MGA: variants seen among roughly 807,000 people sequenced by gnomAD.
MGA encodes the protein MAX dimerization protein MGA.
In MGA, 40 loss-of-function variants were observed where a neutral mutation model predicts 261.1. That is an observed-to-expected ratio of 0.15 (90% CI 0.12 to 0.20). The LOEUF is 0.20. Ranked by LOEUF, MGA falls within the 10% of genes least tolerant of loss-of-function variation. The pLI is 1.00. For synonymous variants in MGA, 1,302 were observed against 1,290.6 expected (o/e 1.01, Z -0.19); for missense variants, 3,397 against 3,630.5 (o/e 0.94, Z 1.65).
intron 1 of MGA, among the ~76,000 whole-genome samples, chr15:41,642,643 C>T (rs892377541): frequency 2.0e-5 from 3 of 152,156 alleles, no homozygotes; most frequent in Non-Finnish European, 4.4e-5. Context: ...GCCACCTCAC[C>T]CAGCTAATTT....
At position 41,653,578 on chromosome 15, in the gene MGA, G is replaced by A. The variant is rs542820942; in HGVS notation, c.-67-15250G>A. On this transcript the variant is annotated intron_variant, in intron 1 of 8. Coordinates refer to the MGA transcript ENST00000566718. ...ATATATATTAGCCAGTTGTGGTGGC[G>A]TGGCCTATAATCCCAGCTACTCAGG... Among the ~76,000 whole-genome samples the A allele has an allele frequency of 1.5e-4, 22 of 151,302 alleles. No homozygotes were observed. The South Asian group carries it at 4.2e-3, about 29-fold the overall frequency.
intron 2 of MGA, among the ~76,000 whole-genome samples, chr15:41,694,790 G>A (rs2059469147): frequency 6.6e-6 from 1 of 152,114 alleles, no homozygotes; most frequent in African/African-American, 2.4e-5. Context: ...GGGATTACAG[G>A]CGTGAGCCAC....
In MGA at chr15:41,711,408, G is replaced by A. The variant is rs1315868382; in HGVS notation, c.3084+59G>A. The stretch of plus-strand genomic sequence containing the variant: ...TGCTTGGCTAGAAAGAGCGAGGTTA[G>A]TGAGGGGAAATGGGAATGGTACTTT... On this transcript the variant is annotated intron_variant, in intron 8 of 23. Transcript: ENST00000219905. 6.7e-6 allele frequency: 10 copies of A among 1,485,810 alleles called. No homozygotes were observed. The Admixed American group carries it at 2.0e-4, about 30-fold the overall frequency. The allele number at this position is 1,485,810 out of a possible 1,614,324, so 92.0% of individuals were successfully genotyped here.
At chr15:41,629,569 GA>G (rs528371895) in intron 1 of MGA, among the ~76,000 whole-genome samples, 387 of 145,348 alleles carry the variant, frequency 2.7e-3, no homozygotes, top group African/African-American at 5.7e-3. Flanking sequence ...TCTCTATAAA[GA>G]AAAAAAAAAA....
In MGA at chr15:41,764,930, G is replaced by A. The variant is rs1032514141; in HGVS notation, c.7789G>A (p.Val2597Met). The change falls in exon 23 of 24, where the codon GTG becomes ATG. Residue 2597 changes from valine (V) to methionine (M), a missense_variant. Coordinates refer to ENST00000219905, the MANE Select transcript of MGA (RefSeq NM_001164273.2). ...CACTCCACACACCTCTGCCAACCTTGTGATGACTCCGCAAGGGCAATTGCT... is the reference window on the plus strand; with the variant it reads ...CACTCCACACACCTCTGCCAACCTTATGATGACTCCGCAAGGGCAATTGCT... 2 of 1,613,874 alleles carry A rather than the reference G, an allele frequency of 1.2e-6. No individual in the cohort carries two copies. The highest frequency in any genetic ancestry group is 2.2e-5 in the East Asian group (1 of 44,894).
intron 7 of MGA, among the ~76,000 whole-genome samples, chr15:41,709,201 GC>G (rs1007772538): frequency 6.6e-6 from 1 of 151,910 alleles, no homozygotes; most frequent in African/African-American, 2.4e-5. Context: ...TGCAAAAACA[GC>G]CAGATGTGGT....
intron 5 of MGA, among the ~76,000 whole-genome samples, chr15:41,704,114 G>A (rs995130973): frequency 2.0e-5 from 3 of 152,066 alleles, no homozygotes; most frequent in Non-Finnish European, 2.9e-5. Context: ...TGTCTGGCCG[G>A]TTTTAATGTT....
chr15:41,642,969 A>G (rs975529720), intron 1 of MGA, among the ~76,000 whole-genome samples: 2 of 147,850 alleles, frequency 1.4e-5, no homozygotes, highest in Non-Finnish European at 3.0e-5. Flanking sequence ...GCTGCAGTGC[A>G]GTGGCATGGT....
rs199867526 is a variant in MGA, at chr15:41,699,102, A to T, written c.2131A>T (p.Ile711Leu). The change falls in exon 5 of 24, where the codon ATA (isoleucine) becomes TTA (leucine). Residue 711 changes from isoleucine (I) to leucine (L), a missense_variant. Physicochemically the swap from Ile to Leu is conservative, Grantham distance 5. Coordinates refer to ENST00000219905, the MANE Select transcript of MGA (RefSeq NM_001164273.2). The stretch of plus-strand genomic sequence containing the variant: ...AATTTCCCAGTTGGAAAAGGAATTG[A>T]TAGAAGATTTGAAGACTTTGCGGCA... 1.2e-3 allele frequency: 1,885 copies of T among 1,612,864 alleles called. 6 individuals are homozygous for T. Among genetic ancestry groups the T allele is most frequent in the Middle Eastern group, 4.8e-3 (29 of 6,058 alleles).
At chr15:41,621,691 T>C (rs1332330613) in intron 1 of MGA, 2 of 144,438 alleles carry the variant, frequency 1.4e-5, no homozygotes, top group African/African-American at 2.6e-5. Context: ...TTTTTGTGCG[T>C]TGGGGGGAAG....
chr15:41,644,032 T>C (rs1364398222), intron 1 of MGA, among the ~76,000 whole-genome samples: 1 of 152,222 alleles, frequency 6.6e-6, no homozygotes, highest in African/African-American at 2.4e-5. Context: ...ATAATTCTTT[T>C]ATTTTTTTGA....
chr15:41,651,694 TACCCC>T (rs2057056040), intron 1 of MGA, among the ~76,000 whole-genome samples: 2 of 10,866 alleles, frequency 1.8e-4, no homozygotes, highest in African/African-American at 2.1e-4. Context: ...TCCCCTCTCT[TACCCC>T]TTCCCCTCTC....
At chr15:41,629,036 T>C (rs964267696) in intron 1 of MGA, among the ~76,000 whole-genome samples, 1 of 148,496 alleles carries the variant, frequency 6.7e-6, no homozygotes, top group Non-Finnish European at 1.5e-5. Context: ...CAGCTACTTA[T>C]GCTTAATCAT....
intron 19 of MGA, chr15:41,759,992 A>T (rs2063363063): frequency 4.7e-6 from 1 of 213,874 alleles, no homozygotes; most frequent in Non-Finnish European, 9.6e-6. Context: ...TATCATGAAA[A>T]CAAGTTTTAG....
chr15:41,713,120 G>A (rs71472499), intron 8 of MGA, 31 bp from the exon 9 acceptor site: 1 of 1,598,032 alleles, frequency 6.3e-7, no homozygotes, highest in Non-Finnish European at 8.5e-7. Flanking sequence ...GGATGGTTTA[G>A]TGGAATTACA....
chr15:41,660,228 A>G (rs2150799688), upstream of MGA, among the ~76,000 whole-genome samples: 1 of 151,902 alleles, frequency 6.6e-6, no homozygotes, highest in South Asian at 2.1e-4. Flanking sequence ...GGTTGCAGGG[A>G]CCCGGAAAAG....
In MGA at chr15:41,708,100, A is replaced by G. The variant is rs774236104; in HGVS notation, c.2321-4A>G. ...GGTCATCTGTTTGACTTTTTCTTTTATAGATGCGGGATTTCCCTTTGTTTC... is the reference window on the plus strand; with the variant it reads ...GGTCATCTGTTTGACTTTTTCTTTTGTAGATGCGGGATTTCCCTTTGTTTC... On this transcript the variant is annotated splice_polypyrimidine_tract_variant and splice_region_variant and intron_variant, in intron 6 of 23. Transcript: ENST00000219905. 9.0e-6 allele frequency: 14 copies of G among 1,564,024 alleles called. No individual in the cohort carries two copies. The African/African-American group carries it at 1.9e-4, about 21-fold the overall frequency.
chr15:41,638,032 C>CTTTT (rs56390631), intron 1 of MGA, among the ~76,000 whole-genome samples: 1 of 42,966 alleles, frequency 2.3e-5, no homozygotes, highest in Admixed American at 4.9e-4. Flanking sequence ...CTGTGCCCAG[C>CTTTT]TTTTTTTTTT....
At chr15:41,707,615 T>C in intron 5 of MGA, 113 bp from the exon 6 acceptor site, 1 of 997,572 alleles carries the variant, frequency 1.0e-6, no homozygotes, top group Non-Finnish European at 1.4e-6. Flanking sequence ...CTATCTCCTT[T>C]CTCTCTCGAC....
Sources: allele counts gnomAD v4.1 joint callset (sites outside exome capture counted in the v4.1 genomes callset), GRCh38; gene constraint gnomAD v4.1.1; transcripts MANE v1.5; gene names NCBI Gene and HGNC (gene_info 2026-07-23, HGNC 2026-07-21).